Variants in COL11A1 observed in about 807,000 individuals in gnomAD.
COL11A1 encodes the protein collagen alpha-1(XI) chain.
Under a neutral mutation model 265.2 loss-of-function variants are expected in COL11A1, and 74 were observed. The observed-to-expected ratio is 0.28, with a 90% confidence interval of 0.23 to 0.34. The LOEUF (loss-of-function observed/expected upper bound fraction) is 0.34, where lower values mean the gene tolerates loss of function less well. COL11A1 is among the 10% of genes least tolerant of loss of function. COL11A1 has a pLI of 1.00. For synonymous variants in COL11A1, 816 were observed against 727.6 expected (o/e 1.12, Z -1.96); for missense variants, 2,165 against 2,263.6 (o/e 0.96, Z 0.88).
rs1649735346 is a variant in COL11A1, at chr1:102,878,152, T to C, written c.5288A>G (p.Tyr1763Cys). ...ATTGATTTCAATGACAGTCTTTTCA[T>C]AGCCTTTTCTGGACTGTAAAATAAA... ...LYDGCASRKG[Y>C]EKTVIEINTP... is the part of the protein sequence containing the mutation. The change falls in exon 67 of 67, where the codon TAT becomes TGT. Residue 1763 changes from tyrosine (Y) to cysteine (C), a missense_variant. Tyr to Cys is a radical substitution (Grantham distance 194). Coordinates refer to ENST00000370096, the MANE Select transcript of COL11A1 (RefSeq NM_001854.4). 6.2e-7 allele frequency: 1 copy of C among 1,612,184 alleles called. No homozygotes were observed. The highest frequency in any genetic ancestry group is 1.3e-5 in the African/African-American group (1 of 74,982).
At chr1:102,908,016 A>G (rs1557803737) in intron 54 of COL11A1, among the ~76,000 whole-genome samples, 1 of 152,104 alleles carries the variant, frequency 6.6e-6, no homozygotes, top group African/African-American at 2.4e-5. Context: ...CAGTAACTCA[A>G]AACAGCCATG....
intron 49 of COL11A1, among the ~76,000 whole-genome samples, chr1:102,916,394 A>G (rs926142393): frequency 6.6e-6 from 1 of 152,110 alleles, no homozygotes; most frequent in African/African-American, 2.4e-5. Flanking sequence ...GCACAAAAAT[A>G]TAACATCTTG....
intron 35 of COL11A1, among the ~76,000 whole-genome samples, chr1:102,977,900 G>A (rs1330038199): frequency 2.0e-5 from 3 of 152,090 alleles, no homozygotes; most frequent in East Asian, 3.9e-4. Flanking sequence ...TTTGCTCATT[G>A]CTCCTACTCA....
intron 31 of COL11A1, among the ~76,000 whole-genome samples, chr1:102,983,220 A>G (rs941775143): frequency 6.6e-6 from 1 of 151,284 alleles, no homozygotes; most frequent in Admixed American, 6.6e-5. Context: ...TTTGAAAACC[A>G]TATTTTTTAT....
intron 4 of COL11A1, among the ~76,000 whole-genome samples, chr1:103,043,373 T>G (rs1228941442): frequency 6.7e-6 from 1 of 148,182 alleles, no homozygotes; most frequent in Non-Finnish European, 1.5e-5. Flanking sequence ...ATAAAAGGCA[T>G]AGTTTACAGC....
intron 41 of COL11A1, among the ~76,000 whole-genome samples, chr1:102,956,311 A>G (rs1268870338): frequency 6.6e-6 from 1 of 152,110 alleles, no homozygotes; most frequent in Non-Finnish European, 1.5e-5. Flanking sequence ...TATTCTTATT[A>G]TTTACTATGT....
In COL11A1 at chr1:103,026,281, A is replaced by G. The variant is rs1372677796; in HGVS notation, c.832T>C (p.Tyr278His). The G allele has an allele frequency of 2.5e-6, 4 of 1,613,626 alleles. No homozygotes were observed. Among genetic ancestry groups the G allele is most frequent in the Non-Finnish European group, 3.4e-6 (4 of 1,179,656 alleles). ...TCTGTTACACTTTCAGCCTCTTTAT[A>G]CTCTGCTTCCCCATACTCATAGTCA... ...EYDYEYGEAE[Y>H]KEAESVTEGP... The change falls in exon 6 of 67, where the codon TAT (tyrosine) becomes CAT (histidine). Residue 278 changes from tyrosine (Y) to histidine (H), a missense_variant. Physicochemically the swap from Tyr to His is moderately conservative, Grantham distance 83. Transcript: ENST00000370096.
intron 54 of COL11A1, among the ~76,000 whole-genome samples, chr1:102,902,019 C>A (rs1394417946): frequency 6.6e-6 from 1 of 152,106 alleles, no homozygotes; most frequent in Non-Finnish European, 1.5e-5. Context: ...GTACAATGAT[C>A]CAGTTTGGCA....
At chr1:102,910,145 C>T (rs986223782) in intron 54 of COL11A1, among the ~76,000 whole-genome samples, 1 of 151,838 alleles carries the variant, frequency 6.6e-6, no homozygotes, top group African/African-American at 2.4e-5. Context: ...TACTGGTTCA[C>T]ACATATATGT....
intron 1 of COL11A1, among the ~76,000 whole-genome samples, chr1:103,105,759 T>C (rs879809585): frequency 5.3e-5 from 8 of 152,174 alleles, no homozygotes; most frequent in Admixed American, 5.2e-4. Flanking sequence ...TTTTCCCTTG[T>C]GTGGTGATTC....
chr1:103,053,703 A>G (rs2102152113), intron 4 of COL11A1, among the ~76,000 whole-genome samples: 1 of 152,318 alleles, frequency 6.6e-6, no homozygotes, highest in South Asian at 2.1e-4. Flanking sequence ...AGTGGTCAGT[A>G]GTGGAACTTA....
chr1:103,021,919 C>T lies in COL11A1; in HGVS notation c.1246-150G>A, dbSNP rs1376506024. ...TTAGAGTGCAGTGGCTCGATCTCCG[C>T]TCACTGCAAGCTCGCCTGCCGGGTT... On this transcript the variant is annotated intron_variant, in intron 8 of 66. Coordinates refer to ENST00000370096, the MANE Select transcript of COL11A1 (RefSeq NM_001854.4). The T allele has an allele frequency of 6.1e-6, 4 of 656,514 alleles. No individual in the cohort carries two copies. In the African/African-American group the frequency reaches 7.3e-5, roughly 12 times the overall value. 40.7% of individuals were successfully genotyped at this position (656,514 alleles called of 1,614,324 possible).
At chr1:103,051,379 G>A (rs745545550) in intron 4 of COL11A1, among the ~76,000 whole-genome samples, 36 of 152,168 alleles carry the variant, frequency 2.4e-4, no homozygotes, top group Non-Finnish European at 2.8e-4. Flanking sequence ...GTGAGACTCC[G>A]TGGGCACGTA....
rs1314252740 is a variant in COL11A1, at chr1:102,987,498, TTTAA to T, written c.2502+131_2502+134del. ...GAAACGTAAATGTAATGGTTGCAAA[TTTAA>T]AATGATAATGAAACATTTTATCTTT... On this transcript the variant is annotated intron_variant, in intron 30 of 66. Coordinates refer to ENST00000370096, the MANE Select transcript of COL11A1 (RefSeq NM_001854.4). 3.9e-6 allele frequency: 3 copies of T among 764,950 alleles called. No homozygotes were observed. In the African/African-American group the frequency reaches 5.2e-5, roughly 13 times the overall value. 47.4% of individuals were successfully genotyped at this position (764,950 alleles called of 1,614,324 possible). A position where few individuals can be genotyped will look rare whatever the true frequency, so the allele number is the denominator to read the frequency against.
At chr1:102,938,543 A>G (rs1392941559) in intron 44 of COL11A1, among the ~76,000 whole-genome samples, 2 of 152,284 alleles carry the variant, frequency 1.3e-5, no homozygotes, top group East Asian at 1.9e-4. Flanking sequence ...TAAAGAGAAT[A>G]TATACTGGTA....
At chr1:102,963,401 G>A (rs1294294753) in intron 38 of COL11A1, among the ~76,000 whole-genome samples, 1 of 152,200 alleles carries the variant, frequency 6.6e-6, no homozygotes, top group Non-Finnish European at 1.5e-5. Context: ...AAATGCCAAA[G>A]TGAACAATAT....
At chr1:103,106,567 T>C (rs1043238436) in intron 1 of COL11A1, among the ~76,000 whole-genome samples, 24 of 152,136 alleles carry the variant, frequency 1.6e-4, no homozygotes, top group African/African-American at 5.8e-4. Context: ...GTACCAAAAG[T>C]AAAATACAAA....
chr1:103,039,743 G>GT (rs1668661541), intron 4 of COL11A1, among the ~76,000 whole-genome samples: 1 of 148,960 alleles, frequency 6.7e-6, no homozygotes, highest in African/African-American at 2.4e-5. Context: ...TTAATACTAG[G>GT]GTTTTTTTTT....
chr1:102,912,275 T>C, intron 53 of COL11A1, 63 bp from the exon 54 acceptor site: 3 of 1,384,792 alleles, frequency 2.2e-6, no homozygotes, highest in East Asian at 2.4e-5. Context: ...CACATAAATT[T>C]TCAAAATCTG....
Sources: gnomAD v4.1 joint callset for allele counts (sites outside exome capture counted in the v4.1 genomes callset) on GRCh38, gnomAD v4.1.1 for gene constraint, MANE v1.5 for transcripts, NCBI Gene and HGNC (gene_info 2026-07-23, HGNC 2026-07-21) for gene names.